WAPL: variants seen among roughly 807,000 people sequenced by gnomAD.
The protein encoded by WAPL is WAPL cohesin release factor.
WAPL carries 5 observed loss-of-function variants against 121.0 expected under a neutral mutation model. The observed-to-expected ratio is 0.04, with a 90% CI of 0.02 to 0.09. WAPL has a LOEUF of 0.09. Among genes scored for constraint, WAPL ranks in the 10% least tolerant of loss-of-function variants. The pLI is 1.00. For missense variants in WAPL, 999 were observed against 1,410.8 expected, an observed-to-expected ratio of 0.71 and a Z score of 4.68; for synonymous variants, 480 against 481.5, an observed-to-expected ratio of 1.00 and a Z score of 0.04.
intron 15 of WAPL, 48 bp downstream of exon 15, chr10:86,451,919 A>T (rs930037614): frequency 8.8e-6 from 14 of 1,597,680 alleles, no homozygotes; most frequent in Non-Finnish European, 1.2e-5. Flanking sequence ...AAATTGGACA[A>T]ATCCAACAAA....
intron 12 of WAPL, among the ~76,000 whole-genome samples, chr10:86,455,199 C>T (rs993398525): frequency 2.0e-5 from 3 of 152,218 alleles, no homozygotes; most frequent in Admixed American, 6.5e-5. Flanking sequence ...CCCAACAGCT[C>T]ACTGAGAACG....
At chr10:86,469,017 T>C (rs1841467703) in intron 8 of WAPL, among the ~76,000 whole-genome samples, 1 of 151,816 alleles carries the variant, frequency 6.6e-6, no homozygotes, top group Admixed American at 6.6e-5. Context: ...GGCAGGACAA[T>C]CGCTTGAACC....
At chr10:86,483,512 T>C in intron 4 of WAPL, among the ~76,000 whole-genome samples, 1 of 152,130 alleles carries the variant, frequency 6.6e-6, no homozygotes, top group African/African-American at 2.4e-5. Flanking sequence ...TACTGGTTTA[T>C]GTATTTACTA....
chr10:86,491,386 G>A (rs1261708695), intron 4 of WAPL, among the ~76,000 whole-genome samples: 2 of 151,720 alleles, frequency 1.3e-5, no homozygotes, highest in Non-Finnish European at 1.5e-5. Context: ...TGATCCACCC[G>A]CCTCGGCCTC....
chr10:86,453,193 A>T (rs370944427), intron 14 of WAPL, 27 bp downstream of exon 14: 2 of 1,609,128 alleles, frequency 1.2e-6, no homozygotes, highest in Non-Finnish European at 1.7e-6. Flanking sequence ...TATGATACTC[A>T]TTTCTGAAAA....
At chr10:86,484,509 A>G (rs1445857269) in intron 4 of WAPL, among the ~76,000 whole-genome samples, 4 of 152,208 alleles carry the variant, frequency 2.6e-5, no homozygotes, top group African/African-American at 9.7e-5. Context: ...AAAAGCAAAA[A>G]GAAAAAAACA....
Position 86,460,608 on chromosome 10 carries a change from C to G in WAPL, c.2483-112G>C. 3 of 722,840 alleles carry G rather than the reference C, an allele frequency of 4.2e-6. No individual in the cohort carries two copies. In the South Asian group the frequency reaches 5.9e-5, roughly 14 times the overall value. The allele number at this position is 722,840 out of a possible 1,614,324, so 44.8% of individuals were successfully genotyped here. A position where few individuals can be genotyped will look rare whatever the true frequency, so the allele number is the denominator to read the frequency against. On this transcript the variant is annotated intron_variant, in intron 10 of 18. Transcript: ENST00000298767. ...TACACACGCTATGAACATGCTGGAA[C>G]CTCTCTGAACATTTTTTATTCTAGG... is the stretch of plus-strand genomic sequence containing the variant.
chr10:86,489,495 C>T (rs1273606327), intron 4 of WAPL, among the ~76,000 whole-genome samples: 1 of 152,140 alleles, frequency 6.6e-6, no homozygotes, highest in Non-Finnish European at 1.5e-5. Flanking sequence ...AAGTCACACA[C>T]ACATACATAT....
intron 2 of WAPL, among the ~76,000 whole-genome samples, chr10:86,505,158 GTT>G (rs199985167): frequency 6.9e-6 from 1 of 145,038 alleles, no homozygotes; most frequent in Admixed American, 7.1e-5. Flanking sequence ...AAGCTGTAGA[GTT>G]TTTTTTTCTG....
intron 10 of WAPL, 142 bp downstream of exon 10, chr10:86,461,033 GA>G (rs1841260278): frequency 1.4e-6 from 1 of 709,848 alleles, no homozygotes; most frequent in Non-Finnish European, 2.2e-6. Context: ...TTAAATGTTA[GA>G]AATTTGCAGG....
intron 16 of WAPL, 63 bp from the exon 17 acceptor site, chr10:86,443,426 A>G: frequency 7.0e-7 from 1 of 1,428,176 alleles, no homozygotes; most frequent in South Asian, 1.2e-5. Context: ...CACAAAACCA[A>G]CCATTCTGTT....
intron 2 of WAPL, among the ~76,000 whole-genome samples, chr10:86,509,830 T>G (rs1842422844): frequency 6.7e-6 from 1 of 149,612 alleles, no homozygotes; most frequent in South Asian, 2.1e-4. Flanking sequence ...AATGGCATGG[T>G]CTCAGCTCAC....
chr10:86,440,346 G>A lies in WAPL; in HGVS notation c.3412-2331C>T, dbSNP rs547910682. 1.4e-4 allele frequency among the ~76,000 whole-genome samples: 21 copies of A among 151,074 alleles called. No individual in the cohort carries two copies. In the South Asian group the frequency reaches 4.2e-3, roughly 30 times the overall value. ...TCTGTTGCCCAGGCTGGAATGCAGT[G>A]GTGCGATCTCCACTCACTGCAAGCT... On this transcript the variant is annotated intron_variant, in intron 17 of 18. Coordinates refer to ENST00000298767, the MANE Select transcript of WAPL (RefSeq NM_015045.5).
At chr10:86,462,952 C>A (rs1267177938) in intron 9 of WAPL, among the ~76,000 whole-genome samples, 1 of 152,164 alleles carries the variant, frequency 6.6e-6, no homozygotes, top group Non-Finnish European at 1.5e-5. Context: ...ATAATTAAAA[C>A]TCGAGCCTTT....
chr10:86,455,493 A>G (rs1163959773), intron 12 of WAPL, among the ~76,000 whole-genome samples: 1 of 152,018 alleles, frequency 6.6e-6, no homozygotes, highest in Non-Finnish European at 1.5e-5. Flanking sequence ...CATGCTCGTT[A>G]AGAGTCATCA....
chr10:86,507,855 G>A (rs1239580636), intron 2 of WAPL, among the ~76,000 whole-genome samples: 3 of 151,660 alleles, frequency 2.0e-5, no homozygotes, highest in Admixed American at 6.6e-5. Flanking sequence ...AGCCCTGTCC[G>A]GGCACTCAGC....
rs1842584809 is a variant in WAPL at position 86,517,669 on chromosome 10, A to T, written c.401T>A (p.Phe134Tyr). Residue 134 changes from phenylalanine to tyrosine, a missense_variant, in exon 2 of 19, where the codon TTC (phenylalanine) becomes TAC (tyrosine). This residue lies in a region of WAPL where 531 missense variants were observed against 563.1 expected (regional missense o/e 0.94). Coordinates refer to ENST00000298767, the MANE Select transcript of WAPL (RefSeq NM_015045.5). ...CCCAAGTAAAGTGTCCTCCAAAGGG[A>T]AGCATTTATCAGAAACGACAGTGTC... ...VEDTVVSDKC[F>Y]PLEDTLLGKE... is the part of the protein sequence containing the mutation. The T allele has an allele frequency of 6.2e-7, 1 of 1,614,002 alleles. No individual in the cohort carries two copies. Among genetic ancestry groups the T allele is most frequent in the Non-Finnish European group, 8.5e-7 (1 of 1,180,024 alleles).
At chr10:86,449,959 G>A (rs753648858) in intron 15 of WAPL, among the ~76,000 whole-genome samples, 105 of 152,204 alleles carry the variant, frequency 6.9e-4, no homozygotes, top group Non-Finnish European at 1.4e-3. Flanking sequence ...TAATAAAACT[G>A]AACAGAGGTA....
chr10:86,453,475 C>T lies in WAPL; in HGVS notation c.2834-140G>A, dbSNP rs1841050882. The T allele has an allele frequency of 3.4e-6, 4 of 1,188,850 alleles. No homozygotes were observed. The Admixed American group carries it at 1.1e-4, about 32-fold the overall frequency. 73.6% of individuals were successfully genotyped at this position (1,188,850 alleles called of 1,614,324 possible). On this transcript the variant is annotated intron_variant, in intron 13 of 18. Coordinates refer to ENST00000298767, the MANE Select transcript of WAPL (RefSeq NM_015045.5). ...AAACATACTATTGATACTTCTGGGT[C>T]AAGCTACTAGGCTTCTAAAAATATC...
Sources: gnomAD v4.1 joint callset for allele counts (sites outside exome capture counted in the v4.1 genomes callset) on GRCh38, gnomAD v4.1.1 for gene constraint, gnomAD v4.1.1 regional missense constraint, MANE v1.5 for transcripts, NCBI Gene and HGNC (gene_info 2026-07-23, HGNC 2026-07-21) for gene names.